ATP8B1: variants seen among roughly 807,000 people sequenced by gnomAD.
ATP8B1 encodes phospholipid-transporting ATPase IC.
In ATP8B1, 80 loss-of-function variants were observed where a neutral mutation model predicts 149.9. The ratio of observed to expected loss-of-function variants is 0.53; its 90% CI spans 0.45 to 0.64. The LOEUF (loss-of-function observed/expected upper bound fraction) is 0.64. ATP8B1 is among the 30% of genes least tolerant of loss of function. The pLI, the probability that ATP8B1 is intolerant of heterozygous loss-of-function variation, is 0.00. For missense variants in ATP8B1, 1,247 were observed against 1,552.6 expected, an observed-to-expected ratio of 0.80 and a Z score of 3.31; for synonymous variants, 536 against 562.8, an observed-to-expected ratio of 0.95 and a Z score of 0.67.
intron 1 of ATP8B1, among the ~76,000 whole-genome samples, chr18:57,774,355 T>A (rs913409488): frequency 7.9e-5 from 12 of 152,254 alleles, no homozygotes; most frequent in African/African-American, 2.9e-4. Context: ...CCCAGCACTT[T>A]GGGAGGCCAA....
At chr18:57,686,091 G>GCAA (rs759093149) in intron 13 of ATP8B1, among the ~76,000 whole-genome samples, 3 of 151,620 alleles carry the variant, frequency 2.0e-5, no homozygotes, top group Admixed American at 6.6e-5. Flanking sequence ...CTACAAAAAA[G>GCAA]CAACAACAAC....
At position 57,706,559 on chromosome 18, in the gene ATP8B1, A is replaced by G; in HGVS notation, c.210T>C (p.Asp70=). Residue 70 remains aspartate, a synonymous_variant, in exon 3 of 28, where the codon GAT becomes GAC. Transcript: ENST00000648908. ...KECTWQVKAN[D]RKYHEQPHFM... is the part of the protein sequence containing the mutation. ...AGTGAGGTTGTTCGTGGTACTTGCG[A>G]TCGTTTGCTTTGACTTGCCATGTAC... is the stretch of plus-strand genomic sequence containing the variant. 6.2e-7 allele frequency: 1 copy of G among 1,614,056 alleles called. No homozygotes were observed. The highest frequency in any genetic ancestry group is 8.5e-7 in the Non-Finnish European group (1 of 1,179,994).
chr18:57,701,229 G>A lies in ATP8B1; in HGVS notation c.478C>T (p.Leu160=), dbSNP rs750013187. The change falls in exon 5 of 28, where the codon CTG becomes TTG. Residue 160 remains leucine, a synonymous_variant. Transcript: ENST00000648908. ...GAAATCCTCACCACATCGTCCACCA[G>A]GTCTTTGATTGCAGTGACGCCCAGC... ...VVLGVTAIKD[L]VDDVARHKMD... is the part of the protein sequence containing the mutation. 6.2e-7 allele frequency: 1 copy of A among 1,614,144 alleles called. No homozygotes were observed. The highest frequency in any genetic ancestry group is 1.7e-5 in the Admixed American group (1 of 59,990).
At chr18:57,770,291 C>G (rs1375022855) in intron 1 of ATP8B1, among the ~76,000 whole-genome samples, 1 of 152,184 alleles carries the variant, frequency 6.6e-6, no homozygotes, top group Non-Finnish European at 1.5e-5. Context: ...GCAAGCTTCC[C>G]TAGGTGCCCA....
At chr18:57,659,282 A>T (rs1424469311) in intron 22 of ATP8B1, among the ~76,000 whole-genome samples, 1 of 151,762 alleles carries the variant, frequency 6.6e-6, no homozygotes, top group African/African-American at 2.4e-5. Flanking sequence ...TTTTTTTTTT[A>T]AATGCACCTG....
At position 57,732,429 on chromosome 18, in the gene ATP8B1, ACAAT is replaced by A. The variant is rs544994425; in HGVS notation, c.-25-601_-25-598del. Among the ~76,000 whole-genome samples, 694 of 151,166 alleles carry A rather than the reference ACAAT, an allele frequency of 4.6e-3. 4 individuals carry two copies. The highest frequency in any genetic ancestry group is 0.016 in the African/African-American group (651 of 41,260). ...CTCAATGAAATAAATTTAGTGGGTAACAATCAACATTAAAATAAAATGAAACAGG... is the reference window on the plus strand; with the variant it reads ...CTCAATGAAATAAATTTAGTGGGTAACAACATTAAAATAAAATGAAACAGG... On this transcript the variant is annotated intron_variant, in intron 1 of 27. Transcript: ENST00000648908.
chr18:57,713,714 TCCTGACCTCAAGTGTTCCACCCAC>T, intron 2 of ATP8B1, among the ~76,000 whole-genome samples: 1 of 75,472 alleles, frequency 1.3e-5, no homozygotes, highest in African/African-American at 5.0e-5. Flanking sequence ...AGTCTTGAAC[TCCTGACCTCAAGTGTTCCACCCAC>T]CTTGACCTCC....
intron 15 of ATP8B1, among the ~76,000 whole-genome samples, chr18:57,676,456 A>C (rs9953899): frequency 0.33 from 49,383 of 151,516 alleles, 8,671 homozygotes; most frequent in Non-Finnish European, 0.39. Flanking sequence ...GCAGTGGCTC[A>C]CGCCTGTAAT....
Position 57,667,134 on chromosome 18 carries a change from A to C in ATP8B1, c.2243T>G (p.Leu748Arg). 1 of 1,613,298 alleles carries C rather than the reference A, an allele frequency of 6.2e-7. No individual in the cohort carries two copies. Among genetic ancestry groups the C allele is most frequent in the Non-Finnish European group, 8.5e-7 (1 of 1,179,198 alleles). ...TAENIGFACE[L>R]LTEDTTICYG... ...GCAGATGGTGGTGTCTTCAGTCAGA[A>C]GTTCACAAGCAAATCCTATATTTTC... The change falls in exon 20 of 28, where the codon CTT (leucine) becomes CGT (arginine). Residue 748 changes from leucine to arginine, a missense_variant. Leu to Arg is a moderately radical substitution (Grantham distance 102). Coordinates refer to ENST00000648908, the MANE Select transcript of ATP8B1 (RefSeq NM_001374385.1).
rs747718826 is a variant in ATP8B1, at chr18:57,685,104, C to G, written c.1441G>C (p.Asp481His). 1.9e-6 allele frequency: 3 copies of G among 1,614,176 alleles called. No individual in the cohort carries two copies. The highest frequency in any genetic ancestry group is 2.5e-6 in the Non-Finnish European group (3 of 1,180,028). Residue 481 changes from aspartate to histidine, a missense_variant, in exon 14 of 28, where the codon GAT becomes CAT. Physicochemically the swap from Asp to His is moderately conservative, Grantham distance 81 (BLOSUM62 -1). Coordinates refer to ENST00000648908, the MANE Select transcript of ATP8B1 (RefSeq NM_001374385.1). ...INGQIYGDHR[D>H]ASQHNHNKIE... ...TTGTTGTGGTTGTGTTGAGAGGCAT[C>G]CCGATGGTCCCCTGAGAAACAAACA...
At chr18:57,650,538 T>A (rs757826670) in intron 26 of ATP8B1, 41 bp from the exon 27 acceptor site, 1 of 1,603,970 alleles carries the variant, frequency 6.2e-7, no homozygotes, top group South Asian at 1.1e-5. Context: ...GGTTCTTTTT[T>A]CCTAAGAACA....
intron 22 of ATP8B1, chr18:57,659,637 A>G (rs1033399554): frequency 3.6e-5 from 5 of 140,318 alleles, no homozygotes; most frequent in East Asian, 4.3e-4. Flanking sequence ...TACCATTCGC[A>G]TGGTAGGGCA....
chr18:57,762,851 G>A (rs73959346), intron 1 of ATP8B1, among the ~76,000 whole-genome samples: 1,701 of 152,140 alleles, frequency 0.011, 32 homozygotes, highest in African/African-American at 0.038. Context: ...CTTCCCAAAC[G>A]TAGTAATTCA....
chr18:57,732,840 G>GCCGTGA (rs1568044839), intron 1 of ATP8B1, among the ~76,000 whole-genome samples: 6 of 5,796 alleles, frequency 1.0e-3, no homozygotes, highest in African/African-American at 1.6e-3. Context: ...TGGGATTACA[G>GCCGTGA]GCCCGCGCCC....
intron 1 of ATP8B1, among the ~76,000 whole-genome samples, chr18:57,746,637 A>C (rs1170856470): frequency 6.6e-6 from 1 of 151,752 alleles, no homozygotes; most frequent in Non-Finnish European, 1.5e-5. Flanking sequence ...CACCAAGCCC[A>C]GCTAATTTTT....
chr18:57,719,385 G>T (rs1316577947), intron 2 of ATP8B1, among the ~76,000 whole-genome samples: 1 of 152,218 alleles, frequency 6.6e-6, no homozygotes, highest in East Asian at 1.9e-4. Flanking sequence ...GACAGTGGGC[G>T]CAGGCCAGTG....
At chr18:57,682,158 C>A (rs984098471) in intron 15 of ATP8B1, among the ~76,000 whole-genome samples, 1 of 152,056 alleles carries the variant, frequency 6.6e-6, no homozygotes, top group Non-Finnish European at 1.5e-5. Context: ...GCACATGCCA[C>A]CATGCTTGGC....
At chr18:57,739,542 A>G (rs1468348140) in intron 1 of ATP8B1, among the ~76,000 whole-genome samples, 2 of 152,224 alleles carry the variant, frequency 1.3e-5, no homozygotes, top group Non-Finnish European at 2.9e-5. Context: ...CACAGTTGAC[A>G]CTGAAAGATC....
At chr18:57,716,722 T>C (rs536878150) in intron 2 of ATP8B1, among the ~76,000 whole-genome samples, 14 of 152,240 alleles carry the variant, frequency 9.2e-5, no homozygotes, top group African/African-American at 3.4e-4. Flanking sequence ...TAGACCCCAG[T>C]AAAATAATAG....
Sources: gnomAD v4.1 joint callset for allele counts (sites outside exome capture counted in the v4.1 genomes callset) on GRCh38, gnomAD v4.1.1 for gene constraint, MANE v1.5 for transcripts, NCBI Gene and HGNC (gene_info 2026-07-23, HGNC 2026-07-21) for gene names.